The following EPSTI1 variants were observed in gnomAD, a reference collection of about 807,000 sequenced individuals.
EPSTI1 encodes the protein epithelial stromal interaction 1.
EPSTI1 carries 66 observed loss-of-function variants against 49.9 expected under a neutral mutation model. The ratio of observed to expected loss-of-function variants is 1.32; its 90% CI spans 1.08 to 1.62. The LOEUF (loss-of-function observed/expected upper bound fraction) is 1.62. Ranked by LOEUF, EPSTI1 falls within the 40% of genes most tolerant of loss-of-function variation. EPSTI1 has a pLI of 0.00. For synonymous variants in EPSTI1, 137 were observed against 130.7 expected, an observed-to-expected ratio of 1.05 and a Z score of -0.33; for missense variants, 394 against 365.5, an observed-to-expected ratio of 1.08 and a Z score of -0.64.
chr13:42,955,877 T>TGGGG (rs57603932), intron 5 of EPSTI1, among the ~76,000 whole-genome samples: 4 of 105,536 alleles, frequency 3.8e-5, no homozygotes, highest in African/African-American at 1.4e-4. Flanking sequence ...AAGAAGTATT[T>TGGGG]GGGGGGGGGG....
intron 5 of EPSTI1, among the ~76,000 whole-genome samples, chr13:42,959,614 A>ACG: frequency 6.6e-6 from 1 of 152,346 alleles, no homozygotes; most frequent in South Asian, 2.1e-4. Context: ...TTCACCGTAT[A>ACG]GCATTAAAAC....
Position 42,953,978 on chromosome 13 carries a change from C to T in EPSTI1, c.533G>A (p.Arg178Lys). 2 of 1,613,034 alleles carry T rather than the reference C, an allele frequency of 1.2e-6. No homozygotes were observed. Among genetic ancestry groups the T allele is most frequent in the Non-Finnish European group, 1.7e-6 (2 of 1,179,882 alleles). The change falls in exon 6 of 11, where the codon AGA becomes AAA. Residue 178 changes from arginine to lysine, a missense_variant. By Grantham distance (26) the Arg-to-Lys change is conservative (BLOSUM62 2). Transcript: ENST00000313624. ...EEKKRLQENLRREAFREHQQY... is the reference protein window; with the variant it reads ...EEKKRLQENLKREAFREHQQY... ...CTGATGCTCTCTAAATGCTTCTCTT[C>T]TAAGGTTTTCTTGAAGTCTTTTTTT...
At chr13:42,921,566 G>A (rs1003134600) in intron 7 of EPSTI1, among the ~76,000 whole-genome samples, 1 of 152,116 alleles carries the variant, frequency 6.6e-6, no homozygotes, top group African/African-American at 2.4e-5. Flanking sequence ...ACCCAACATG[G>A]GAAGGCAATA....
chr13:42,924,509 C>T (rs2038112982), intron 7 of EPSTI1, among the ~76,000 whole-genome samples: 1 of 152,172 alleles, frequency 6.6e-6, no homozygotes, highest in Non-Finnish European at 1.5e-5. Context: ...ATACAGGGAG[C>T]CCTCGAACGG....
rs1276386564 is a variant in EPSTI1 at position 42,886,794 on chromosome 13, A to T, written c.*1700T>A. 2.6e-5 allele frequency: 4 copies of T among 152,186 alleles called. No individual in the cohort carries two copies. The highest frequency in any genetic ancestry group is 5.9e-5 in the Non-Finnish European group (4 of 68,036). The allele number at this position is 152,186 out of a possible 1,614,324, so 9.4% of individuals were successfully genotyped here. A position where few individuals can be genotyped will look rare whatever the true frequency, so the allele number is the denominator to read the frequency against. On this transcript the variant is annotated 3_prime_UTR_variant, in exon 11 of 11. Transcript: ENST00000313624. ...AATTTTCCATATCTGCACAATTTTT[A>T]AAAAATGGAACTACCCATCTGCACA...
intron 5 of EPSTI1, among the ~76,000 whole-genome samples, chr13:42,956,716 G>A (rs1238108794): frequency 6.6e-6 from 1 of 152,138 alleles, no homozygotes. Flanking sequence ...TAGTAACCCT[G>A]GACAGGAAAG....
intron 9 of EPSTI1, among the ~76,000 whole-genome samples, chr13:42,896,389 A>C (rs1237058400): frequency 1.3e-5 from 2 of 152,136 alleles, no homozygotes; most frequent in Non-Finnish European, 2.9e-5. Context: ...CCAGTAAACA[A>C]CACAACCACT....
At chr13:42,937,830 C>A (rs2038615622) in intron 6 of EPSTI1, among the ~76,000 whole-genome samples, 1 of 152,114 alleles carries the variant, frequency 6.6e-6, no homozygotes, top group Non-Finnish European at 1.5e-5. Flanking sequence ...CCATGAATCA[C>A]AAGTGTTCTT....
At chr13:42,888,760 C>T (rs2036939995) in intron 10 of EPSTI1, among the ~76,000 whole-genome samples, 1 of 152,150 alleles carries the variant, frequency 6.6e-6, no homozygotes, top group African/African-American at 2.4e-5. Flanking sequence ...TAGAGATAGA[C>T]TAACAGAGGT....
At chr13:42,888,924 G>A (rs1566089554) in intron 10 of EPSTI1, among the ~76,000 whole-genome samples, 1 of 152,212 alleles carries the variant, frequency 6.6e-6, no homozygotes, top group Non-Finnish European at 1.5e-5. Context: ...AGAGGACCTT[G>A]ATGTAGGGAG....
At chr13:42,956,408 C>G (rs2039272796) in intron 5 of EPSTI1, among the ~76,000 whole-genome samples, 1 of 152,144 alleles carries the variant, frequency 6.6e-6, no homozygotes, top group Non-Finnish European at 1.5e-5. Context: ...CCAACCCAAT[C>G]TTAAGCAAGA....
At chr13:42,986,046 G>A (rs4083525) in intron 1 of EPSTI1, among the ~76,000 whole-genome samples, 2,123 of 152,336 alleles carry the variant, frequency 0.014, 48 homozygotes, top group East Asian at 0.065. Context: ...CCCAGAGGGC[G>A]TATAAGCCTG....
At position 42,922,890 on chromosome 13, in the gene EPSTI1, T is replaced by C. The variant is rs1475716298; in HGVS notation, c.657+3446A>G. ...CACATCTTCCATGGACTGTATTAAA[T>C]ACAAGCTCTGATTCAGGAGGTCTGC... On this transcript the variant is annotated intron_variant, in intron 7 of 10. Transcript: ENST00000313624. This position sits in a 1 kb window ranked among gnomAD's most constrained non-coding sequence, Gnocchi z 4.8. Among the ~76,000 whole-genome samples, 1 of 152,198 alleles carries C rather than the reference T, an allele frequency of 6.6e-6. No homozygotes were observed. The highest frequency in any genetic ancestry group is 2.4e-5 in the African/African-American group (1 of 41,446).
At chr13:42,989,284 A>G (rs2040143738) in intron 1 of EPSTI1, among the ~76,000 whole-genome samples, 1 of 152,144 alleles carries the variant, frequency 6.6e-6, no homozygotes, top group Non-Finnish European at 1.5e-5. Context: ...TGGAAAAATT[A>G]AAACCCTATG....
At chr13:42,921,440 C>A (rs1051854472) in intron 7 of EPSTI1, among the ~76,000 whole-genome samples, 1 of 152,088 alleles carries the variant, frequency 6.6e-6, no homozygotes, top group Non-Finnish European at 1.5e-5. Context: ...CATGGAAGGA[C>A]CTGAACATGT....
intron 7 of EPSTI1, 85 bp downstream of exon 7, chr13:42,926,251 C>T: frequency 1.2e-6 from 1 of 830,082 alleles, no homozygotes. Context: ...CTATGATGTA[C>T]AAGTCACTCT....
intron 8 of EPSTI1, among the ~76,000 whole-genome samples, chr13:42,911,266 C>CGCGT (rs1566109809): frequency 6.2e-5 from 7 of 112,802 alleles, no homozygotes; most frequent in East Asian, 5.9e-4. Flanking sequence ...TGTGTGTGTG[C>CGCGT]GCGCGCACGC....
At chr13:42,978,160 A>T (rs2039917026) in intron 1 of EPSTI1, among the ~76,000 whole-genome samples, 1 of 148,648 alleles carries the variant, frequency 6.7e-6, no homozygotes, top group African/African-American at 2.6e-5. Context: ...CTCAAAAAAA[A>T]AAAAGAAAGT....
intron 6 of EPSTI1, among the ~76,000 whole-genome samples, chr13:42,948,189 G>A (rs952104770): frequency 5.3e-5 from 8 of 152,290 alleles, no homozygotes; most frequent in African/African-American, 1.7e-4. Context: ...AGCCAGCTGG[G>A]TCTGGGCTCA....
Sources: allele counts gnomAD v4.1 joint callset (sites outside exome capture counted in the v4.1 genomes callset), GRCh38; gene constraint gnomAD v4.1.1; non-coding constraint Gnocchi (gnomAD v3.1); transcripts MANE v1.5; gene names NCBI Gene and HGNC (gene_info 2026-07-23, HGNC 2026-07-21).